ERC1: variants seen among roughly 807,000 people sequenced by gnomAD.
ERC1 encodes RAB6 interacting protein 2.
A neutral mutation model predicts 132.0 loss-of-function variants in ERC1; 56 were observed. The observed-to-expected ratio is 0.42, with a 90% confidence interval of 0.34 to 0.53. The LOEUF is 0.53. ERC1 is among the 20% of genes least tolerant of loss of function. ERC1 has a pLI of 0.03. For missense variants in ERC1, 1,202 were observed against 1,349.9 expected (o/e 0.89, Z 1.72); for synonymous variants, 478 against 476.1 (o/e 1.00, Z -0.05).
At chr12:1,111,258 A>C (rs1294589438) in intron 5 of ERC1, among the ~76,000 whole-genome samples, 1 of 152,162 alleles carries the variant, frequency 6.6e-6, no homozygotes, top group Non-Finnish European at 1.5e-5. Context: ...TCTGTAAACT[A>C]TTTAGGCAAG....
intron 2 of ERC1, among the ~76,000 whole-genome samples, chr12:1,050,482 A>T (rs930298667): frequency 6.6e-6 from 1 of 152,152 alleles, no homozygotes; most frequent in African/African-American, 2.4e-5. Flanking sequence ...AAATTTCTGG[A>T]TCCCTCCCAA....
At chr12:1,234,770 A>C (rs150862528) in intron 12 of ERC1, among the ~76,000 whole-genome samples, 2 of 152,342 alleles carry the variant, frequency 1.3e-5, no homozygotes, top group East Asian at 3.9e-4. Flanking sequence ...ACAGGTACAC[A>C]TGCATATAGA....
At chr12:1,052,577 T>TCTTTTAGG (rs1478241347) in intron 2 of ERC1, among the ~76,000 whole-genome samples, 19 of 152,274 alleles carry the variant, frequency 1.2e-4, no homozygotes, top group African/African-American at 4.6e-4. Context: ...GTTTCATCAG[T>TCTTTTAGG]CTTTTAGGCA....
chr12:1,165,239 G>A (rs993550496), intron 8 of ERC1, among the ~76,000 whole-genome samples: 6 of 152,134 alleles, frequency 3.9e-5, no homozygotes, highest in African/African-American at 1.4e-4. Context: ...ACAAGAACCA[G>A]TGTGCTTGCT....
At chr12:1,126,521 A>T (rs1409782547) in intron 7 of ERC1, among the ~76,000 whole-genome samples, 1 of 152,210 alleles carries the variant, frequency 6.6e-6, no homozygotes, top group Admixed American at 6.5e-5. Flanking sequence ...CTATAAAGCT[A>T]ATCAATAAAA....
chr12:1,481,187 T>C (rs752305446), intron 18 of ERC1, among the ~76,000 whole-genome samples: 5 of 152,194 alleles, frequency 3.3e-5, no homozygotes, highest in Admixed American at 6.5e-5. Flanking sequence ...TGACTGAGGG[T>C]AATTGAAACC....
intron 13 of ERC1, among the ~76,000 whole-genome samples, chr12:1,262,149 T>G (rs1297033949): frequency 1.3e-5 from 2 of 152,220 alleles, no homozygotes; most frequent in Non-Finnish European, 2.9e-5. Context: ...GTTTTATGTA[T>G]TTTTAAAAGG....
At chr12:1,176,413 A>G (rs1231499591) in intron 8 of ERC1, among the ~76,000 whole-genome samples, 1 of 152,150 alleles carries the variant, frequency 6.6e-6, no homozygotes, top group Non-Finnish European at 1.5e-5. Flanking sequence ...TCATTGTTCC[A>G]TTTATAAAGC....
At chr12:1,459,023 G>A (rs1395549330) in intron 18 of ERC1, among the ~76,000 whole-genome samples, 2 of 152,216 alleles carry the variant, frequency 1.3e-5, no homozygotes, top group Admixed American at 6.5e-5. Context: ...CATTCCAAGA[G>A]TGGTGGGGAT....
chr12:1,276,017 T>G (rs2078235717), intron 14 of ERC1, among the ~76,000 whole-genome samples: 1 of 152,212 alleles, frequency 6.6e-6, no homozygotes, highest in South Asian at 2.1e-4. Flanking sequence ...ATGTAATGTT[T>G]TCTAGGTCGA....
At chr12:1,446,821 ATC>A (rs1039359016) in intron 18 of ERC1, among the ~76,000 whole-genome samples, 19 of 152,326 alleles carry the variant, frequency 1.2e-4, no homozygotes, top group Admixed American at 1.0e-3. Flanking sequence ...AGGAATTTTA[ATC>A]TCTTTCTTTC....
At chr12:1,025,271 A>G (rs1966845194) in intron 1 of ERC1, among the ~76,000 whole-genome samples, 2 of 152,192 alleles carry the variant, frequency 1.3e-5, no homozygotes, top group African/African-American at 2.4e-5. Flanking sequence ...AGCCTCCACA[A>G]ACATTTTTCC....
chr12:1,297,683 G>T (rs1199765065), intron 15 of ERC1, among the ~76,000 whole-genome samples: 9 of 149,278 alleles, frequency 6.0e-5, no homozygotes, highest in African/African-American at 2.2e-4. Flanking sequence ...CTCCAGCCTG[G>T]GTGATAGAGT....
In ERC1 at chr12:1,296,121, T is replaced by A. The variant is rs1004055319; in HGVS notation, c.2780+6109T>A. ...AATCTCAACAGAGAAAGGAAAAGTA[T>A]TTTAAAATGGAAATTTGACATAGTG... On this transcript the variant is annotated intron_variant, in intron 15 of 18. Transcript: ENST00000360905. Among the ~76,000 whole-genome samples the A allele has an allele frequency of 4.6e-5, 7 of 152,020 alleles. No homozygotes were observed. The East Asian group carries it at 1.3e-3, about 29-fold the overall frequency.
intron 8 of ERC1, chr12:1,152,318 AT>A (rs1359488832): frequency 6.6e-6 from 1 of 152,242 alleles, no homozygotes; most frequent in Non-Finnish European, 1.5e-5. Flanking sequence ...CCCTAAAATG[AT>A]CCCCAGGGTT....
chr12:1,070,446 C>T (rs982829122), intron 2 of ERC1, among the ~76,000 whole-genome samples: 1 of 151,724 alleles, frequency 6.6e-6, no homozygotes, highest in African/African-American at 2.4e-5. Context: ...TGCCACTGTG[C>T]CCAGCTAATT....
chr12:1,462,553 G>T (rs1238927754), intron 18 of ERC1, among the ~76,000 whole-genome samples: 2 of 152,168 alleles, frequency 1.3e-5, no homozygotes, highest in African/African-American at 4.8e-5. Flanking sequence ...ACTGTGTTAA[G>T]CAAAAGAAGC....
At chr12:1,044,302 C>T (rs1970742194) in intron 2 of ERC1, among the ~76,000 whole-genome samples, 2 of 152,142 alleles carry the variant, frequency 1.3e-5, no homozygotes, top group East Asian at 1.9e-4. Context: ...GTCAGTTATC[C>T]TAGTGGAATT....
intron 12 of ERC1, among the ~76,000 whole-genome samples, chr12:1,208,957 ATTTTTTTTTTTTT>A (rs538961813): frequency 2.0e-4 from 14 of 71,610 alleles, no homozygotes; most frequent in Admixed American, 3.4e-4. Flanking sequence ...CGCCCAGCTG[ATTTTTTTTTTTTT>A]TTTTTTTTTT....
Sources: allele counts gnomAD v4.1 joint callset (sites outside exome capture counted in the v4.1 genomes callset), GRCh38; gene constraint gnomAD v4.1.1; transcripts MANE v1.5; gene names NCBI Gene and HGNC (gene_info 2026-07-23, HGNC 2026-07-21).